The following NR3C2 variants were observed in gnomAD, a reference collection of about 807,000 sequenced individuals.
NR3C2 encodes nuclear receptor subfamily 3 group C member 2, also known as mineralocorticoid receptor.
NR3C2 carries 15 observed loss-of-function variants against 86.4 expected under a neutral mutation model. The observed-to-expected ratio is 0.17, with a 90% CI of 0.12 to 0.27. The LOEUF is 0.27. Among genes scored for constraint, NR3C2 ranks in the 10% least tolerant of loss-of-function variants. The pLI is 1.00. For missense variants in NR3C2, 960 were observed against 1,195.6 expected (o/e 0.80, Z 2.91); for synonymous variants, 458 against 450.5 (o/e 1.02, Z -0.21).
chr4:148,357,010 G>C (rs913761875), intron 2 of NR3C2, among the ~76,000 whole-genome samples: 4 of 151,524 alleles, frequency 2.6e-5, no homozygotes, highest in African/African-American at 9.7e-5. Context: ...TGCTATTATG[G>C]GGGAGGGATT....
intron 6 of NR3C2, among the ~76,000 whole-genome samples, chr4:148,130,819 G>GTTTTTTTTTTTTTTTTTTTT (rs376180676): frequency 9.2e-6 from 1 of 108,882 alleles, no homozygotes; most frequent in Admixed American, 1.0e-4. Flanking sequence ...GTTTTGTTTT[G>GTTTTTTTTTTTTTTTTTTTT]TTTTTTTTTT....
chr4:148,175,415 C>T (rs1486517472), intron 4 of NR3C2, among the ~76,000 whole-genome samples: 1 of 152,168 alleles, frequency 6.6e-6, no homozygotes, highest in Admixed American at 6.5e-5. Context: ...ACAGATGATT[C>T]TGAGCTGCAG....
intron 4 of NR3C2, among the ~76,000 whole-genome samples, chr4:148,165,515 CATT>C (rs1193697065): frequency 3.3e-5 from 5 of 152,048 alleles, no homozygotes; most frequent in Admixed American, 3.3e-4. Flanking sequence ...ATGACTACAT[CATT>C]ATAATTTTAA....
chr4:148,381,535 A>G (rs1315294632), intron 2 of NR3C2, among the ~76,000 whole-genome samples: 3 of 152,204 alleles, frequency 2.0e-5, no homozygotes, highest in South Asian at 2.1e-4. Flanking sequence ...ATACTCTCCC[A>G]TATGACAAAA....
chr4:148,440,769 C>G (rs754583281), intron 1 of NR3C2, among the ~76,000 whole-genome samples: 42 of 152,156 alleles, frequency 2.8e-4, no homozygotes, highest in Non-Finnish European at 5.9e-4. Flanking sequence ...TGTTAAATTG[C>G]CCTTTTCCAT....
At position 148,435,508 on chromosome 4, in the gene NR3C2, T is replaced by C; in HGVS notation, c.1353A>G (p.Pro451=). ...AGGAAAAATACGAGCCATCCATAAA[T>C]GGAAACGGGTTTACTGTTGGATTCC... ...FKGNPTVNPF[P]FMDGSYFSFM... is the part of the protein sequence containing the mutation. Residue 451 remains proline (P), a synonymous_variant, in exon 2 of 9, where the codon CCA becomes CCG. Coordinates refer to ENST00000358102, the MANE Select transcript of NR3C2 (RefSeq NM_000901.5). 1.2e-6 allele frequency: 2 copies of C among 1,614,170 alleles called. No homozygotes were observed. The highest frequency in any genetic ancestry group is 1.7e-6 in the Non-Finnish European group (2 of 1,180,040).
chr4:148,339,477 A>G (rs1744646818), intron 2 of NR3C2, among the ~76,000 whole-genome samples: 1 of 152,190 alleles, frequency 6.6e-6, no homozygotes, highest in Non-Finnish European at 1.5e-5. Flanking sequence ...AAACAATCTT[A>G]TTGATGCTTT....
intron 3 of NR3C2, among the ~76,000 whole-genome samples, chr4:148,197,902 C>T (rs1736515019): frequency 6.6e-6 from 1 of 152,058 alleles, no homozygotes; most frequent in South Asian, 2.1e-4. Flanking sequence ...AAAATCTGTC[C>T]AGTAGGACTC....
intron 2 of NR3C2, among the ~76,000 whole-genome samples, chr4:148,406,160 T>C (rs1748413753): frequency 6.6e-6 from 1 of 151,732 alleles, no homozygotes; most frequent in Non-Finnish European, 1.5e-5. Flanking sequence ...AGGGAGACTG[T>C]CTCAAAACAA....
At chr4:148,362,361 G>C (rs1338135101) in intron 2 of NR3C2, among the ~76,000 whole-genome samples, 3 of 152,290 alleles carry the variant, frequency 2.0e-5, no homozygotes, top group Non-Finnish European at 2.9e-5. Context: ...TTGGGATGAT[G>C]AATGTATTAA....
upstream of NR3C2, chr4:148,444,200 T>A (rs1750486819): frequency 1.0e-6 from 1 of 984,424 alleles, no homozygotes; most frequent in South Asian, 4.7e-5. Flanking sequence ...CGTTGCCGAA[T>A]TATTCATTAT....
chr4:148,297,195 T>C (rs1371106374), intron 2 of NR3C2, among the ~76,000 whole-genome samples: 3 of 152,312 alleles, frequency 2.0e-5, no homozygotes, highest in Non-Finnish European at 2.9e-5. Context: ...GACACACCAC[T>C]GTCATTTGTT....
chr4:148,424,023 G>C (rs1423758184), intron 2 of NR3C2, among the ~76,000 whole-genome samples: 1 of 152,136 alleles, frequency 6.6e-6, no homozygotes, highest in Admixed American at 6.5e-5. Context: ...TACCAATACA[G>C]AATTTTAAAT....
chr4:148,300,707 G>C (rs890997351), intron 2 of NR3C2, among the ~76,000 whole-genome samples: 11 of 151,396 alleles, frequency 7.3e-5, no homozygotes, highest in Non-Finnish European at 1.2e-4. Context: ...CAAGTAGCCG[G>C]GATTACAGGC....
chr4:148,342,745 A>AT (rs1744808380), intron 2 of NR3C2, among the ~76,000 whole-genome samples: 1 of 152,036 alleles, frequency 6.6e-6, no homozygotes. Context: ...AACTGTGAAA[A>AT]TTTTTTATCT....
At chr4:148,180,993 T>G (rs1735618515) in intron 4 of NR3C2, among the ~76,000 whole-genome samples, 1 of 152,166 alleles carries the variant, frequency 6.6e-6, no homozygotes, top group African/African-American at 2.4e-5. Context: ...TTGCTCCTGC[T>G]TCCTGTGTCT....
intron 6 of NR3C2, chr4:148,146,571 A>G (rs1233892280): frequency 2.0e-5 from 3 of 152,344 alleles, no homozygotes; most frequent in Non-Finnish European, 2.9e-5. Flanking sequence ...TGAAAACATG[A>G]TAAGAAGTAG....
At chr4:148,395,307 G>A (rs1747805463) in intron 2 of NR3C2, among the ~76,000 whole-genome samples, 1 of 150,978 alleles carries the variant, frequency 6.6e-6, no homozygotes, top group Non-Finnish European at 1.5e-5. Flanking sequence ...TTAGGGCTCT[G>A]CCCCTAAATC....
intron 2 of NR3C2, among the ~76,000 whole-genome samples, chr4:148,358,722 T>C (rs1055740169): frequency 6.6e-6 from 1 of 152,172 alleles, no homozygotes. Context: ...GTTTTAAAAG[T>C]AGTAGTCTTA....
Sources: allele counts gnomAD v4.1 joint callset (sites outside exome capture counted in the v4.1 genomes callset), GRCh38; gene constraint gnomAD v4.1.1; transcripts MANE v1.5; gene names NCBI Gene and HGNC (gene_info 2026-07-23, HGNC 2026-07-21).